CEP192: variants seen among roughly 807,000 people sequenced by gnomAD.
CEP192 encodes centrosomal protein 192, also known as centrosomal protein of 192 kDa.
Under a neutral mutation model 271.8 loss-of-function variants are expected in CEP192, and 151 were observed. That is an observed-to-expected ratio of 0.56 (90% confidence interval 0.49 to 0.64). The LOEUF is 0.64. Among genes scored for constraint, CEP192 ranks in the 30% least tolerant of loss-of-function variants. The probability of loss-of-function intolerance (pLI) is 0.00; values close to 1 mark genes in which losing one functional copy is unlikely to be tolerated. For missense variants in CEP192, 2,910 were observed against 3,020.5 expected (o/e 0.96, Z 0.86); for synonymous variants, 995 against 1,076.5 (o/e 0.92, Z 1.48).
intron 11 of CEP192, among the ~76,000 whole-genome samples, chr18:13,031,544 G>T (rs943433275): frequency 1.3e-5 from 2 of 152,098 alleles, no homozygotes; most frequent in Non-Finnish European, 2.9e-5. Context: ...ACCGCGCCCG[G>T]CCACCTGGCC....
intron 40 of CEP192, among the ~76,000 whole-genome samples, chr18:13,109,132 C>G (rs529192220): frequency 6.6e-6 from 1 of 152,232 alleles, no homozygotes; most frequent in African/African-American, 2.4e-5. Flanking sequence ...GTATCAGAGA[C>G]ATGGATCAAT....
rs531238069 is a variant in CEP192 at position 13,009,405 on chromosome 18, T to C, written c.466+774T>C. On this transcript the variant is annotated intron_variant, in intron 4 of 44. Coordinates refer to ENST00000506447, the MANE Select transcript of CEP192 (RefSeq NM_032142.4). ...TTCTCCCACTAATTAATTTATATTC[T>C]TATCGAGAGTCAATTTTGTTTCTAA... Among the ~76,000 whole-genome samples the C allele has an allele frequency of 2.0e-5, 3 of 152,344 alleles. No homozygotes were observed. In the East Asian group the frequency reaches 5.8e-4, roughly 29 times the overall value.
At chr18:13,072,619 A>C (rs1445102465) in intron 28 of CEP192, 136 bp from the exon 29 acceptor site, 1 of 661,334 alleles carries the variant, frequency 1.5e-6, no homozygotes, top group Non-Finnish European at 2.7e-6. Context: ...GTGGGGAGAC[A>C]ATTCCAGGCT....
At chr18:13,005,113 G>A (rs990297774) in intron 3 of CEP192, among the ~76,000 whole-genome samples, 1 of 152,104 alleles carries the variant, frequency 6.6e-6, no homozygotes, top group African/African-American at 2.4e-5. Flanking sequence ...GGCAAGAAGG[G>A]CGTATATATT....
chr18:13,053,426 A>G (rs771364563), intron 18 of CEP192, among the ~76,000 whole-genome samples: 3 of 152,182 alleles, frequency 2.0e-5, no homozygotes, highest in Non-Finnish European at 4.4e-5. Flanking sequence ...GCAGGGATAA[A>G]TACACTGAAG....
At chr18:13,037,011 T>C (rs938615372) in intron 11 of CEP192, among the ~76,000 whole-genome samples, 1 of 152,156 alleles carries the variant, frequency 6.6e-6, no homozygotes, top group African/African-American at 2.4e-5. Context: ...CCTGAGTAAA[T>C]TGGGGTACGT....
chr18:12,996,094 C>G (rs1459115686), intron 1 of CEP192, among the ~76,000 whole-genome samples: 1 of 151,872 alleles, frequency 6.6e-6, no homozygotes, highest in African/African-American at 2.4e-5. Context: ...TATAGGGTGA[C>G]TTTCGTGTGT....
At chr18:13,111,347 G>A (rs933678022) in intron 40 of CEP192, among the ~76,000 whole-genome samples, 2 of 152,076 alleles carry the variant, frequency 1.3e-5, no homozygotes, top group African/African-American at 4.8e-5. Flanking sequence ...GGATGGTCTC[G>A]ATCTCCTGAC....
chr18:13,056,655 CTG>C lies in CEP192; in HGVS notation c.4068_4069del (p.Cys1356TrpfsTer3). 6.2e-7 allele frequency: 1 copy of C among 1,612,548 alleles called. No individual in the cohort carries two copies. The highest frequency in any genetic ancestry group is 8.5e-7 in the Non-Finnish European group (1 of 1,179,240). On this transcript the variant is annotated frameshift_variant, in exon 19 of 45. Transcript: ENST00000506447. LOFTEE classifies it high-confidence loss of function. ...PFPVPSVGTN[C>X]GIEPWDSGVT... ...TTCCTGTGCCGTCTGTTGGTACAAA[CTG>C]TGGAATTGAACCATGGGATTCAGGA...
intron 10 of CEP192, among the ~76,000 whole-genome samples, 187 bp downstream of exon 10, chr18:13,030,189 T>C (rs1363553149): frequency 6.6e-6 from 1 of 152,232 alleles, no homozygotes. Flanking sequence ...TTCTCACAGA[T>C]CTAGTGAAAA....
At chr18:13,017,876 G>T (rs2034749562) in intron 7 of CEP192, among the ~76,000 whole-genome samples, 1 of 152,022 alleles carries the variant, frequency 6.6e-6, no homozygotes, top group African/African-American at 2.4e-5. Flanking sequence ...GCCTTTGGTT[G>T]TCCTGTCTCT....
intron 44 of CEP192, chr18:13,124,375 T>C (rs1403404625): frequency 3.1e-6 from 1 of 322,890 alleles, no homozygotes; most frequent in Non-Finnish European, 5.7e-6. Context: ...CTTATTTTCC[T>C]TTTTATATAT....
At chr18:13,057,524 T>A (rs1371269705) in intron 19 of CEP192, 61 bp from the exon 20 acceptor site, 1 of 1,573,476 alleles carries the variant, frequency 6.4e-7, no homozygotes, top group African/African-American at 1.4e-5. Flanking sequence ...TTAACAGATT[T>A]GGCTTATAAT....
intron 40 of CEP192, among the ~76,000 whole-genome samples, chr18:13,106,957 C>G (rs2039986159): frequency 6.6e-6 from 1 of 152,184 alleles, no homozygotes; most frequent in Admixed American, 6.5e-5. Flanking sequence ...TCTTTTCTGT[C>G]TGTCACTGAG....
intron 1 of CEP192, among the ~76,000 whole-genome samples, chr18:12,991,966 T>C (rs1424835080): frequency 6.6e-6 from 1 of 152,244 alleles, no homozygotes; most frequent in Non-Finnish European, 1.5e-5. Flanking sequence ...TGGTTTCTGC[T>C]AGGTTGCGTT....
intron 11 of CEP192, among the ~76,000 whole-genome samples, chr18:13,033,845 A>T (rs1008215275): frequency 6.6e-6 from 1 of 152,210 alleles, no homozygotes; most frequent in Non-Finnish European, 1.5e-5. Context: ...AGGAGAGGGG[A>T]GGATGTACAT....
chr18:13,021,145 TGTC>T (rs1403468759), intron 9 of CEP192, among the ~76,000 whole-genome samples: 1 of 152,226 alleles, frequency 6.6e-6, no homozygotes, highest in Non-Finnish European at 1.5e-5. Flanking sequence ...TCAAATTCAA[TGTC>T]ATGAAGATTT....
At position 13,092,533 on chromosome 18, in the gene CEP192, A is replaced by G; in HGVS notation, c.6254+6A>G. 1 of 1,586,568 alleles carries G rather than the reference A, an allele frequency of 6.3e-7. No individual in the cohort carries two copies. Among genetic ancestry groups the G allele is most frequent in the African/African-American group, 1.4e-5 (1 of 73,406 alleles). ...GCTAGCTTGGAATCTACAAGGTAAA[A>G]TAAATGAACAGAAATCTTTCACCAG... is the stretch of plus-strand genomic sequence containing the variant. On this transcript the variant is annotated splice_donor_region_variant and intron_variant, in intron 34 of 44. Transcript: ENST00000506447.
chr18:13,106,056 CTA>C, intron 40 of CEP192, among the ~76,000 whole-genome samples: 1 of 152,266 alleles, frequency 6.6e-6, no homozygotes, highest in South Asian at 2.1e-4. Context: ...CTGGAAACAA[CTA>C]TGCTAAAATT....
Sources: allele counts gnomAD v4.1 joint callset (sites outside exome capture counted in the v4.1 genomes callset), GRCh38; gene constraint gnomAD v4.1.1; transcripts MANE v1.5; gene names NCBI Gene and HGNC (gene_info 2026-07-23, HGNC 2026-07-21).